MDFIC2: variants seen among roughly 807,000 people sequenced by gnomAD.
MDFIC2 encodes the protein myoD family inhibitor domain-containing protein 2.
In MDFIC2 at chr3:70,261,873, T is replaced by C. The variant is rs538553895; in HGVS notation, c.88+50013A>G. Among the ~76,000 whole-genome samples, 15 of 152,232 alleles carry C rather than the reference T, an allele frequency of 9.9e-5. No individual in the cohort carries two copies. In the South Asian group the frequency reaches 3.1e-3, roughly 32 times the overall value. ...AACCCTTTTAGAAACAAGGGGTTTG[T>C]TATCCAAGAAGATCCGGGGCTGAAA... On this transcript the variant is annotated intron_variant, in intron 2 of 3. Transcript: ENST00000567252.
intron 2 of MDFIC2, among the ~76,000 whole-genome samples, chr3:70,221,960 C>G (rs1189999313): frequency 3.3e-5 from 5 of 152,118 alleles, no homozygotes; most frequent in African/African-American, 1.2e-4. Context: ...ACCTCATTCC[C>G]TTTTAAGCAC....
At chr3:70,256,498 C>T (rs1227700329) in intron 2 of MDFIC2, among the ~76,000 whole-genome samples, 51 of 152,160 alleles carry the variant, frequency 3.4e-4, no homozygotes, top group Non-Finnish European at 2.9e-5. Context: ...TCATTTAGTT[C>T]ATTTAGTTCT....
intron 2 of MDFIC2, among the ~76,000 whole-genome samples, chr3:70,304,749 T>C (rs1474246505): frequency 2.0e-5 from 3 of 152,206 alleles, no homozygotes; most frequent in Admixed American, 6.5e-5. Context: ...CCTCATGCAA[T>C]ATAAATGACT....
chr3:70,287,424 G>T (rs1233802486), intron 2 of MDFIC2, among the ~76,000 whole-genome samples: 3 of 151,756 alleles, frequency 2.0e-5, no homozygotes, highest in Middle Eastern at 6.8e-3. Context: ...GATCATGGTG[G>T]ATAAACTTTT....
intron 2 of MDFIC2, among the ~76,000 whole-genome samples, chr3:70,251,378 A>T (rs765351799): frequency 5.7e-4 from 86 of 152,104 alleles, no homozygotes; most frequent in Non-Finnish European, 1.0e-3. Flanking sequence ...GGACTATCTG[A>T]TTTTTTTATC....
intron 3 of MDFIC2, chr3:70,204,440 T>C (rs1241811479): frequency 6.6e-6 from 1 of 152,166 alleles, no homozygotes; most frequent in East Asian, 1.9e-4. Context: ...TTATCACTCT[T>C]TGTGGGTCTT....
At chr3:70,261,780 A>G (rs1428032180) in intron 2 of MDFIC2, among the ~76,000 whole-genome samples, 1 of 152,194 alleles carries the variant, frequency 6.6e-6, no homozygotes, top group East Asian at 1.9e-4. Flanking sequence ...CTCAAATAGC[A>G]TTTGAAACCA....
intron 2 of MDFIC2, among the ~76,000 whole-genome samples, chr3:70,296,397 A>G (rs1702288971): frequency 6.6e-6 from 1 of 152,156 alleles, no homozygotes; most frequent in Admixed American, 6.5e-5. Flanking sequence ...CTACCAGAAA[A>G]TGGACCTAAT....
chr3:70,216,488 A>G (rs1701413491), intron 2 of MDFIC2, among the ~76,000 whole-genome samples: 1 of 152,058 alleles, frequency 6.6e-6, no homozygotes. Context: ...ATATCAAATA[A>G]CTTACCCAGA....
chr3:70,230,400 G>C (rs1294389140), intron 2 of MDFIC2, among the ~76,000 whole-genome samples: 1 of 151,990 alleles, frequency 6.6e-6, no homozygotes, highest in Non-Finnish European at 1.5e-5. Flanking sequence ...TATATTTGAG[G>C]GCTGGTGTCA....
At chr3:70,263,937 A>G (rs1701891341) in intron 2 of MDFIC2, among the ~76,000 whole-genome samples, 1 of 152,124 alleles carries the variant, frequency 6.6e-6, no homozygotes, top group Non-Finnish European at 1.5e-5. Flanking sequence ...TGTTGAATAC[A>G]TTATTTCTAG....
intron 2 of MDFIC2, among the ~76,000 whole-genome samples, chr3:70,260,014 C>G (rs1319760224): frequency 6.6e-6 from 1 of 152,156 alleles, no homozygotes. Flanking sequence ...CCAATTACCT[C>G]TATCTGATCT....
At chr3:70,211,910 T>A (rs560674261) in intron 2 of MDFIC2, among the ~76,000 whole-genome samples, 67 of 151,592 alleles carry the variant, frequency 4.4e-4, no homozygotes, top group Non-Finnish European at 8.3e-4. Context: ...TTCCTTTCCT[T>A]TGTCCTTTCC....
intron 2 of MDFIC2, among the ~76,000 whole-genome samples, chr3:70,298,343 A>G (rs548736643): frequency 6.6e-6 from 1 of 152,196 alleles, no homozygotes; most frequent in South Asian, 2.1e-4. Flanking sequence ...TAAGATTTCC[A>G]CTTCTCTCCT....
intron 2 of MDFIC2, among the ~76,000 whole-genome samples, chr3:70,294,371 A>C (rs945876131): frequency 3.3e-5 from 5 of 152,186 alleles, no homozygotes; most frequent in African/African-American, 1.2e-4. Flanking sequence ...TCAATTTAAC[A>C]CATATTTATA....
intron 2 of MDFIC2, among the ~76,000 whole-genome samples, chr3:70,250,689 A>G (rs1403203756): frequency 6.6e-6 from 1 of 152,172 alleles, no homozygotes; most frequent in African/African-American, 2.4e-5. Flanking sequence ...AACACTTCAA[A>G]TACTAATATC....
chr3:70,249,913 G>A (rs896915666), intron 2 of MDFIC2, among the ~76,000 whole-genome samples: 3 of 151,998 alleles, frequency 2.0e-5, no homozygotes, highest in Admixed American at 6.6e-5. Context: ...GAATTTTCTG[G>A]CAAAAAAGGA....
At chr3:70,206,465 T>C (rs1386250768) in intron 3 of MDFIC2, 104 bp downstream of exon 3, 2 of 395,570 alleles carry the variant, frequency 5.1e-6, no homozygotes, top group African/African-American at 2.1e-5. Flanking sequence ...TCGTGTTTAA[T>C]ATTCATAAGG....
chr3:70,290,435 G>A (rs867525816), intron 2 of MDFIC2, among the ~76,000 whole-genome samples: 13 of 152,182 alleles, frequency 8.5e-5, no homozygotes, highest in African/African-American at 2.2e-4. Context: ...CTCCAGCTGC[G>A]TACTGGGAGA....
Sources: gnomAD v4.1 joint callset for allele counts (sites outside exome capture counted in the v4.1 genomes callset) on GRCh38, gnomAD v4.1.1 for gene constraint, MANE v1.5 for transcripts, NCBI Gene and HGNC (gene_info 2026-07-23, HGNC 2026-07-21) for gene names.